The following VIL1 variants were observed in gnomAD, a reference collection of about 807,000 sequenced individuals.
The protein encoded by VIL1 is villin 1, also known as villin-1.
In VIL1, 86 loss-of-function variants were observed where a neutral mutation model predicts 104.0. The observed-to-expected ratio is 0.83, with a 90% CI of 0.69 to 0.99. The LOEUF is 0.99. Among genes scored for constraint, VIL1 ranks in the 50% least tolerant of loss-of-function variants. The pLI is 0.00. For synonymous variants in VIL1, 394 were observed against 412.6 expected, an observed-to-expected ratio of 0.95 and a Z score of 0.55; for missense variants, 944 against 1,054.1, an observed-to-expected ratio of 0.90 and a Z score of 1.45.
rs1366986164 is a variant in VIL1, at chr2:218,424,269, C to T, written c.76-8C>T. ...GGGCAGCCCCTCTGACCCTCTTTCT[C>T]TCCTTAGGCCATGCAGATGGTGCCT... On this transcript the variant is annotated splice_region_variant and splice_polypyrimidine_tract_variant and intron_variant, in intron 2 of 19. Transcript: ENST00000248444. The T allele has an allele frequency of 2.5e-6, 4 of 1,613,896 alleles. No individual in the cohort carries two copies. The South Asian group carries it at 3.3e-5, about 13-fold the overall frequency.
chr2:218,431,808 G>T, intron 10 of VIL1, 49 bp from the exon 11 acceptor site: 1 of 1,515,628 alleles, frequency 6.6e-7, no homozygotes, highest in South Asian at 1.2e-5. Context: ...GTGAGGACCT[G>T]GGAGACCTCA....
intron 1 of VIL1, among the ~76,000 whole-genome samples, chr2:218,422,180 G>A (rs537093752): frequency 3.3e-5 from 5 of 152,194 alleles, no homozygotes; most frequent in Non-Finnish European, 7.4e-5. Context: ...ACTTGAACCC[G>A]GGAGGCGGAG....
Position 218,435,323 on chromosome 2 carries a change from T to C in VIL1, c.1715T>C (p.Met572Thr). 2 of 1,614,030 alleles carry C rather than the reference T, an allele frequency of 1.2e-6. No individual in the cohort carries two copies. Among genetic ancestry groups the C allele is most frequent in the Non-Finnish European group, 1.7e-6 (2 of 1,179,966 alleles). Residue 572 changes from methionine (M) to threonine (T), a missense_variant, in exon 15 of 20, where the codon ATG becomes ACG. Met to Thr is a moderately conservative substitution (Grantham distance 81). Coordinates refer to ENST00000248444, the MANE Select transcript of VIL1 (RefSeq NM_007127.3). ...CSGDEREMAK[M>T]VADTISRTEK... is the part of the protein sequence containing the mutation. ...GGGGACGAGCGGGAGATGGCCAAGA[T>C]GGTTGCTGACACCATCTCCCGGACG... is the stretch of plus-strand genomic sequence containing the variant.
chr2:218,443,817 G>A (rs1418618780), intron 19 of VIL1, among the ~76,000 whole-genome samples: 1 of 151,626 alleles, frequency 6.6e-6, no homozygotes, highest in African/African-American at 2.4e-5. Context: ...ATCACGCCTG[G>A]CTAATTTTTG....
chr2:218,430,007 A>G, intron 9 of VIL1, 60 bp downstream of exon 9: 4 of 1,467,674 alleles, frequency 2.7e-6, no homozygotes, highest in Non-Finnish European at 3.8e-6. Context: ...GGGAGAGAGC[A>G]GATAGCAGCA....
In VIL1 at chr2:218,432,257, C is replaced by CATCA. The variant is rs1327832275; in HGVS notation, c.1341+75_1341+78dup. On this transcript the variant is annotated intron_variant, in intron 12 of 19. Transcript: ENST00000248444. ...CTTGTACATACTCCTGCTAAGTGGC[C>CATCA]ATCACCCTTGGGTTGAATACCTCTG... 9.6e-6 allele frequency: 15 copies of CATCA among 1,560,458 alleles called. No individual in the cohort carries two copies. The East Asian group carries it at 2.7e-4, about 28-fold the overall frequency.
chr2:218,446,961 A>T (rs1210370491), intron 19 of VIL1, among the ~76,000 whole-genome samples: 1 of 151,902 alleles, frequency 6.6e-6, no homozygotes, highest in East Asian at 2.0e-4. Context: ...ACAGGGTTTC[A>T]CCATGTTGGT....
chr2:218,437,172 G>A lies in VIL1; in HGVS notation c.2020G>A (p.Ala674Thr), dbSNP rs762246582. 1.1e-5 allele frequency: 17 copies of A among 1,613,990 alleles called. No homozygotes were observed. The highest frequency in any genetic ancestry group is 3.3e-5 in the Admixed American group (2 of 59,986). Reference protein sequence around the residue: ...KHANEEEKKAAATTAQEYLKT... With the variant: ...KHANEEEKKATATTAQEYLKT... ...TGCCAACGAGGAGGAGAAGAAGGCC[G>A]CAGCAACCACTGCACAGGAATACCT... The change falls in exon 17 of 20, where the codon GCA (alanine) becomes ACA (threonine). Residue 674 changes from alanine to threonine, a missense_variant. Coordinates refer to ENST00000248444, the MANE Select transcript of VIL1 (RefSeq NM_007127.3).
rs1043787506 is a variant in VIL1 at position 218,440,414 on chromosome 2, C to T, written c.2230-308C>T. 3.9e-5 allele frequency among the ~76,000 whole-genome samples: 6 copies of T among 152,100 alleles called. No individual in the cohort carries two copies. In the East Asian group the frequency reaches 1.2e-3, roughly 29 times the overall value. On this transcript the variant is annotated intron_variant, in intron 18 of 19. Transcript: ENST00000248444. The stretch of plus-strand genomic sequence containing the variant: ...CCTCCTGAGTAGATGGGATTACAGG[C>T]GCCTGACACCACACCTGGCTAAGTT...
intron 19 of VIL1, among the ~76,000 whole-genome samples, chr2:218,442,241 A>G (rs911791417): frequency 6.6e-6 from 1 of 152,164 alleles, no homozygotes; most frequent in African/African-American, 2.4e-5. Flanking sequence ...CAAGATAGAA[A>G]ACTGGATCAG....
chr2:218,433,465 C>T (rs1324558815), intron 13 of VIL1, among the ~76,000 whole-genome samples: 2 of 149,420 alleles, frequency 1.3e-5, no homozygotes, highest in Admixed American at 6.7e-5. Context: ...ATGCCGGTTG[C>T]GGTGGCTCTC....
At chr2:218,424,527 G>C (rs926923374) in intron 3 of VIL1, among the ~76,000 whole-genome samples, 176 bp downstream of exon 3, 1 of 152,188 alleles carries the variant, frequency 6.6e-6, no homozygotes, top group African/African-American at 2.4e-5. Context: ...AGAGGCTCTT[G>C]CTGCCCTTGA....
rs1688933229 is a variant in VIL1, at chr2:218,423,842, T to G, written c.64T>G (p.Trp22Gly). ...LNITTPGLQI[W>G]RIEAMQMVPV... ...CATCACCACCCCGGGGCTGCAGATA[T>G]GGAGGATCGAGGTGAGGCCCTGTCT... is the stretch of plus-strand genomic sequence containing the variant. The change falls in exon 2 of 20, where the codon TGG becomes GGG. Residue 22 changes from tryptophan to glycine, a missense_variant. By Grantham distance (184) the Trp-to-Gly change is radical. Transcript: ENST00000248444. The G allele has an allele frequency of 1.2e-6, 2 of 1,614,024 alleles. No homozygotes were observed. Among genetic ancestry groups the G allele is most frequent in the African/African-American group, 2.7e-5 (2 of 74,930 alleles).
rs61733654 is a variant in VIL1, at chr2:218,435,387, C to A, written c.1779C>A (p.Asn593Lys). The A allele has an allele frequency of 2.3e-3, 3,740 of 1,614,162 alleles. 86 individuals are homozygous for A. In the African/African-American group the frequency reaches 0.044, roughly 19 times the overall value. Reference protein sequence around the residue: ...QVVVEGQEPANFWMALGGKAP... With the variant: ...QVVVEGQEPAKFWMALGGKAP... Reference sequence around the variant, plus strand: ...TGGTGGAAGGGCAGGAGCCAGCCAACTTCTGGATGGCCCTGGGTGGGAAGG... The same window carrying A: ...TGGTGGAAGGGCAGGAGCCAGCCAAATTCTGGATGGCCCTGGGTGGGAAGG... The change falls in exon 15 of 20, where the codon AAC (asparagine) becomes AAA (lysine). Residue 593 changes from asparagine to lysine, a missense_variant. Coordinates refer to ENST00000248444, the MANE Select transcript of VIL1 (RefSeq NM_007127.3).
In VIL1 at chr2:218,425,759, G is replaced by A. The variant is rs201788796; in HGVS notation, c.295G>A (p.Val99Ile). The A allele has an allele frequency of 4.8e-5, 78 of 1,614,042 alleles. No individual in the cohort carries two copies. Among genetic ancestry groups the A allele is most frequent in the Middle Eastern group, 1.7e-4 (1 of 6,048 alleles). The change falls in exon 4 of 20, where the codon GTC becomes ATC. Residue 99 changes from valine (V) to isoleucine (I), a missense_variant. Coordinates refer to ENST00000248444, the MANE Select transcript of VIL1 (RefSeq NM_007127.3). The part of the protein sequence containing the change: ...LKGRAVQHRE[V>I]QGNESEAFRG... ...GGGCCGGGCTGTGCAGCACCGCGAG[G>A]TCCAGGGCAACGAGAGCGAGGCCTT...
In VIL1 at chr2:218,451,607, A is replaced by G. The variant is rs1689481261; in HGVS notation, c.*2271A>G. ...AGCTGTATGTGTGTATAGTTACATA[A>G]TGGTAACTACACACGATACAGAAGA... On this transcript the variant is annotated 3_prime_UTR_variant, in exon 20 of 20. Coordinates refer to ENST00000248444, the MANE Select transcript of VIL1 (RefSeq NM_007127.3). 1 of 151,958 alleles carries G rather than the reference A, an allele frequency of 6.6e-6. No homozygotes were observed. The highest frequency in any genetic ancestry group is 1.5e-5 in the Non-Finnish European group (1 of 68,014). 9.4% of individuals were successfully genotyped at this position (151,958 alleles called of 1,614,324 possible). A position where few individuals can be genotyped will look rare whatever the true frequency, so the allele number is the denominator to read the frequency against.
At chr2:218,420,428 CAAAAAAAAA>C (rs71064447) in intron 1 of VIL1, among the ~76,000 whole-genome samples, 3 of 80,234 alleles carry the variant, frequency 3.7e-5, no homozygotes, top group South Asian at 5.1e-4. Context: ...GACTCTGTCT[CAAAAAAAAA>C]AAAAAAAAAA....
rs1448225781 is a variant in VIL1 at position 218,432,030 on chromosome 2, C to T, written c.1204-16C>T. On this transcript the variant is annotated splice_polypyrimidine_tract_variant and intron_variant, in intron 11 of 19. Coordinates refer to ENST00000248444, the MANE Select transcript of VIL1 (RefSeq NM_007127.3). Reference sequence around the variant, plus strand: ...AGCCTGTCCTGGACCTCACCCTGGCCTGATACTGGCCCTAGGTGTGGCGCA... The same window carrying T: ...AGCCTGTCCTGGACCTCACCCTGGCTTGATACTGGCCCTAGGTGTGGCGCA... 1 of 1,614,044 alleles carries T rather than the reference C, an allele frequency of 6.2e-7. No homozygotes were observed. Among genetic ancestry groups the T allele is most frequent in the South Asian group, 1.1e-5 (1 of 91,074 alleles).
intron 18 of VIL1, among the ~76,000 whole-genome samples, chr2:218,439,954 C>A (rs1484159489): frequency 6.6e-6 from 1 of 151,982 alleles, no homozygotes; most frequent in Non-Finnish European, 1.5e-5. Context: ...CAAGACAGAG[C>A]TAACTCTGAG....
Sources: gnomAD v4.1 joint callset for allele counts (sites outside exome capture counted in the v4.1 genomes callset) on GRCh38, gnomAD v4.1.1 for gene constraint, MANE v1.5 for transcripts, NCBI Gene and HGNC (gene_info 2026-07-23, HGNC 2026-07-21) for gene names.